Variants in NDUFAF6 observed in about 807,000 individuals in gnomAD.
NDUFAF6 encodes NADH dehydrogenase (ubiquinone) complex I, assembly factor 6.
A neutral mutation model predicts 40.8 loss-of-function variants in NDUFAF6; 45 were observed. That is an observed-to-expected ratio of 1.10 (90% confidence interval 0.87 to 1.42). The LOEUF is 1.42. Ranked by LOEUF, NDUFAF6 falls within the 40% of genes most tolerant of loss-of-function variation. The pLI is 0.00. For missense variants in NDUFAF6, 435 were observed against 418.5 expected, an observed-to-expected ratio of 1.04 and a Z score of -0.34; for synonymous variants, 185 against 155.9, an observed-to-expected ratio of 1.19 and a Z score of -1.39.
At chr8:94,965,981 G>T (rs1173703433) in intron 1 of NDUFAF6, among the ~76,000 whole-genome samples, 1 of 152,220 alleles carries the variant, frequency 6.6e-6, no homozygotes, top group Non-Finnish European at 1.5e-5. Flanking sequence ...TACTCAGAAA[G>T]TGAGTCAGGA....
chr8:95,062,306 C>T (rs1219121831), downstream of NDUFAF6, among the ~76,000 whole-genome samples: 2 of 152,142 alleles, frequency 1.3e-5, no homozygotes, highest in African/African-American at 2.4e-5. Flanking sequence ...ATATCAACCT[C>T]AGTGGTGGTT....
upstream of NDUFAF6, among the ~76,000 whole-genome samples, chr8:95,098,255 C>T (rs369114615): frequency 3.9e-5 from 6 of 152,168 alleles, no homozygotes; most frequent in South Asian, 2.1e-4. Flanking sequence ...AGCTTCTGGC[C>T]GGGCTGGTGG....
Position 94,936,166 on chromosome 8 carries a change from C to G in NDUFAF6, c.-935-9317C>G, listed in dbSNP as rs564009435. ...GCCACAGGACATTAATTGAAGCTACCCCTAGGATTGAAGGACATAAAATGA... is the reference window on the plus strand; with the variant it reads ...GCCACAGGACATTAATTGAAGCTACGCCTAGGATTGAAGGACATAAAATGA... On this transcript the variant is annotated intron_variant, in intron 1 of 14. Transcript: ENST00000396113. 9.2e-4 allele frequency among the ~76,000 whole-genome samples: 140 copies of G among 152,240 alleles called. 1 individual carries two copies. Among genetic ancestry groups the G allele is most frequent in the Non-Finnish European group, 1.3e-3 (86 of 68,016 alleles).
chr8:95,073,438 G>A (rs1832937512), intron 9 of NDUFAF6, among the ~76,000 whole-genome samples: 1 of 151,982 alleles, frequency 6.6e-6, no homozygotes, highest in Non-Finnish European at 1.5e-5. Context: ...GCCGGGGAGG[G>A]ACTGGAGGTG....
rs73697061 is a variant in NDUFAF6, at chr8:95,058,246, G to A, written c.*309G>A. On this transcript the variant is annotated 3_prime_UTR_variant, in exon 9 of 9. Transcript: ENST00000396124. ...GCCATAAGCCACACTTGAGCCAGTG[G>A]GCAGGGAGAAGGAATGTCATTCTCC... The A allele has an allele frequency of 5.7e-3, 7,554 of 1,319,128 alleles. 231 individuals are homozygous for A. The African/African-American group carries it at 0.077, about 13-fold the overall frequency. The allele number at this position is 1,319,128 out of a possible 1,614,324, so 81.7% of individuals were successfully genotyped here.
chr8:94,918,904 T>C (rs1819314803), intron 1 of NDUFAF6, among the ~76,000 whole-genome samples: 1 of 152,216 alleles, frequency 6.6e-6, no homozygotes, highest in African/African-American at 2.4e-5. Context: ...CTAGTTTTAA[T>C]TTAGTTAAGT....
chr8:95,080,075 G>A (rs1282995559), downstream of NDUFAF6, among the ~76,000 whole-genome samples: 1 of 83,680 alleles, frequency 1.2e-5, no homozygotes, highest in Non-Finnish European at 2.3e-5. Flanking sequence ...TTTTTGTAGC[G>A]TATTTTTTGT....
At chr8:94,994,137 A>G (rs1173108890) in intron 2 of NDUFAF6, among the ~76,000 whole-genome samples, 3 of 152,098 alleles carry the variant, frequency 2.0e-5, no homozygotes, top group Non-Finnish European at 4.4e-5. Flanking sequence ...TCCCTGCCCC[A>G]TTTATGTTGG....
chr8:94,929,146 A>G, intron 1 of NDUFAF6: 1 of 152,754 alleles, frequency 6.5e-6, no homozygotes, highest in Non-Finnish European at 1.5e-5. Context: ...CACTGTGAAG[A>G]ACAGCTGTGG....
At chr8:95,036,656 C>T (rs755343217) in intron 3 of NDUFAF6, among the ~76,000 whole-genome samples, 23 of 152,184 alleles carry the variant, frequency 1.5e-4, no homozygotes, top group Admixed American at 3.3e-4. Context: ...TTAAGACTTG[C>T]GTAAAAGGTT....
At position 94,998,334 on chromosome 8, in the gene NDUFAF6, A is replaced by G. The variant is rs147130870; in HGVS notation, c.-84+17361A>G. ...TTGTCCCCAGATGACAACTATTGTT[A>G]CCCATTTCCTTTGTATTCTTCTAAA... On this transcript the variant is annotated intron_variant, in intron 2 of 9. Coordinates refer to the NDUFAF6 transcript ENST00000396111. Among the ~76,000 whole-genome samples, 448 of 151,858 alleles carry G rather than the reference A, an allele frequency of 3.0e-3. 1 individual carries two copies. The highest frequency in any genetic ancestry group is 9.8e-3 in the African/African-American group (405 of 41,400).
intron 1 of NDUFAF6, among the ~76,000 whole-genome samples, chr8:94,969,064 G>A (rs1824250756): frequency 6.6e-6 from 1 of 152,192 alleles, no homozygotes; most frequent in Admixed American, 6.5e-5. Flanking sequence ...AGATGTTGCA[G>A]AAGAAGTTGG....
downstream of NDUFAF6, among the ~76,000 whole-genome samples, chr8:95,062,171 A>C (rs1314925810): frequency 5.9e-5 from 9 of 151,902 alleles, no homozygotes; most frequent in Non-Finnish European, 1.5e-5. Flanking sequence ...AAAAAAAAAA[A>C]AATTGTGTTT....
intron 1 of NDUFAF6, among the ~76,000 whole-genome samples, chr8:94,901,337 A>G (rs1035046303): frequency 1.3e-5 from 2 of 151,972 alleles, no homozygotes; most frequent in Non-Finnish European, 2.9e-5. Flanking sequence ...TGGATAGGAG[A>G]TGGGTGCAAT....
intron 1 of NDUFAF6, among the ~76,000 whole-genome samples, chr8:94,973,528 G>A (rs1824650107): frequency 6.6e-6 from 1 of 152,112 alleles, no homozygotes; most frequent in African/African-American, 2.4e-5. Context: ...CTAACACAGT[G>A]AAACCCTGTC....
chr8:94,901,200 A>G (rs1817994035), intron 1 of NDUFAF6, among the ~76,000 whole-genome samples: 1 of 152,190 alleles, frequency 6.6e-6, no homozygotes, highest in Non-Finnish European at 1.5e-5. Flanking sequence ...CGAGGTTTGT[A>G]TGGCTGGAAC....
rs1316240601 is a variant in NDUFAF6, at chr8:95,035,487, C to A, written c.331C>A (p.Leu111Met). ...KDSVSEKTIG[L>M]MRMQFWKKTV... Reference sequence around the variant, plus strand: ...CTCAGTCTCTGAGAAAACAATTGGACTGATGCGAATGCAGTTTTGGAAAAA... The same window carrying A: ...CTCAGTCTCTGAGAAAACAATTGGAATGATGCGAATGCAGTTTTGGAAAAA... Residue 111 changes from leucine to methionine, a missense_variant, in exon 3 of 9, where the codon CTG becomes ATG. Transcript: ENST00000396124. 11 of 1,613,328 alleles carry A rather than the reference C, an allele frequency of 6.8e-6. No homozygotes were observed. Among genetic ancestry groups the A allele is most frequent in the Admixed American group, 1.7e-5 (1 of 59,934 alleles).
At chr8:95,118,385 A>G (rs1050939712), downstream of NDUFAF6, among the ~76,000 whole-genome samples, 2 of 152,216 alleles carry the variant, frequency 1.3e-5, no homozygotes, top group Admixed American at 6.5e-5. Flanking sequence ...TGGTGCAATG[A>G]GTAGCATATG....
chr8:94,910,447 C>A (rs1262873166), intron 1 of NDUFAF6, among the ~76,000 whole-genome samples: 1 of 152,236 alleles, frequency 6.6e-6, no homozygotes, highest in Non-Finnish European at 1.5e-5. Flanking sequence ...GCCACCGCGC[C>A]TGGCCTGAAC....
Sources: gnomAD v4.1 joint callset for allele counts (sites outside exome capture counted in the v4.1 genomes callset) on GRCh38, gnomAD v4.1.1 for gene constraint, MANE v1.5 for transcripts, NCBI Gene and HGNC (gene_info 2026-07-23, HGNC 2026-07-21) for gene names.